The following NKD1 variants were observed in gnomAD, a reference collection of about 807,000 sequenced individuals.
The protein encoded by NKD1 is protein naked cuticle homolog 1.
A neutral mutation model predicts 56.0 loss-of-function variants in NKD1; 21 were observed. That is an observed-to-expected ratio of 0.38 (90% CI 0.27 to 0.54). The LOEUF (loss-of-function observed/expected upper bound fraction) is 0.54, where lower values mean the gene tolerates loss of function less well. Among genes scored for constraint, NKD1 ranks in the 20% least tolerant of loss-of-function variants. The probability of loss-of-function intolerance (pLI) is 0.82; values close to 1 mark genes in which losing one functional copy is unlikely to be tolerated. For synonymous variants in NKD1, 263 were observed against 265.7 expected (o/e 0.99, Z 0.10); for missense variants, 578 against 642.7 (o/e 0.90, Z 1.09).
intron 3 of NKD1, among the ~76,000 whole-genome samples, chr16:50,604,176 G>A (rs1488824784): frequency 6.6e-6 from 1 of 152,230 alleles, no homozygotes; most frequent in Non-Finnish European, 1.5e-5. Context: ...AGGTGCAGTG[G>A]TGAAGGGTAT....
chr16:50,574,061 C>A, intron 3 of NKD1: 1 of 839,916 alleles, frequency 1.2e-6, no homozygotes, highest in Non-Finnish European at 1.4e-6. Context: ...TAGTCTCACT[C>A]CCGTTTTACA....
chr16:50,630,789 C>T, intron 7 of NKD1, 37 bp from the exon 8 acceptor site: 1 of 1,539,522 alleles, frequency 6.5e-7, no homozygotes, highest in Non-Finnish European at 8.8e-7. Flanking sequence ...GCAGGCAGCT[C>T]ACCTGGTGTC....
chr16:50,631,704 G>A lies in NKD1; in HGVS notation c.696-577G>A, dbSNP rs530329151. ...TTGGAGGAGAGGGCTAGGGAGCCCC[G>A]AGCCCTGCAGGGGAAAAAGAAAGCC... On this transcript the variant is annotated intron_variant, in intron 8 of 9. Coordinates refer to ENST00000268459, the MANE Select transcript of NKD1 (RefSeq NM_033119.5). 9.1e-4 allele frequency among the ~76,000 whole-genome samples: 139 copies of A among 152,140 alleles called. 1 individual carries two copies. Among genetic ancestry groups the A allele is most frequent in the Non-Finnish European group, 1.1e-3 (78 of 68,016 alleles).
chr16:50,605,969 G>C (rs560537698), intron 3 of NKD1: 4 of 152,154 alleles, frequency 2.6e-5, no homozygotes, highest in African/African-American at 4.8e-5. Context: ...AACATCCCGC[G>C]TGGCTTCTGG....
At chr16:50,551,704 T>G (rs1960389027) in intron 3 of NKD1, 1 of 151,888 alleles carries the variant, frequency 6.6e-6, no homozygotes, top group South Asian at 2.1e-4. Context: ...GGGAACATTT[T>G]AAATCTTAAT....
chr16:50,577,027 G>A (rs1961008089), intron 3 of NKD1, among the ~76,000 whole-genome samples: 1 of 152,170 alleles, frequency 6.6e-6, no homozygotes, highest in South Asian at 2.1e-4. Context: ...TACCTGGCTG[G>A]CCCTATACAA....
At chr16:50,577,006 G>A (rs373245244) in intron 3 of NKD1, among the ~76,000 whole-genome samples, 45 of 152,316 alleles carry the variant, frequency 3.0e-4, no homozygotes, top group African/African-American at 8.9e-4. Flanking sequence ...ATTGTGTTGC[G>A]GAGGCCACCA....
At chr16:50,608,175 CAGTT>C in intron 3 of NKD1, 115 bp from the exon 4 acceptor site, 1 of 777,898 alleles carries the variant, frequency 1.3e-6, no homozygotes. Flanking sequence ...GGATCTGCCT[CAGTT>C]GACCTGAATT....
At chr16:50,561,256 A>G (rs1304321899) in intron 3 of NKD1, among the ~76,000 whole-genome samples, 2 of 151,968 alleles carry the variant, frequency 1.3e-5, no homozygotes, top group Non-Finnish European at 2.9e-5. Flanking sequence ...GGTTGGACAC[A>G]ATGCTGCGCT....
At position 50,562,990 on chromosome 16, in the gene NKD1, C is replaced by A. The variant is rs5006960; in HGVS notation, c.192+13435C>A. The stretch of plus-strand genomic sequence containing the variant: ...GGGCTGCTAGGTCCCACCACCACCC[C>A]CCCCCCCCGCCGTAGAATGGGTAGA... On this transcript the variant is annotated intron_variant, in intron 3 of 9. Coordinates refer to ENST00000268459, the MANE Select transcript of NKD1 (RefSeq NM_033119.5). Among the ~76,000 whole-genome samples, 107 of 109,978 alleles carry A rather than the reference C, an allele frequency of 9.7e-4. 13 individuals are homozygous for A. The highest frequency in any genetic ancestry group is 3.2e-3 in the African/African-American group (76 of 23,828). The allele number at this position is 109,978 out of a possible 152,430, so 72.1% of individuals were successfully genotyped here.
chr16:50,613,762 A>G (rs1292254200), intron 4 of NKD1: 1 of 151,798 alleles, frequency 6.6e-6, no homozygotes, highest in Non-Finnish European at 1.5e-5. Flanking sequence ...GGCGGGGGAG[A>G]GTGGAAGGGA....
At chr16:50,574,615 G>A (rs755312126) in intron 3 of NKD1, 1 of 985,432 alleles carries the variant, frequency 1.0e-6, no homozygotes, top group Non-Finnish European at 1.2e-6. Flanking sequence ...CTGGCCTCCA[G>A]CGGGCAGGAG....
chr16:50,646,418 T>C lies in NKD1; in HGVS notation c.*12637T>C, dbSNP rs1038990404. 1.1e-4 allele frequency: 17 copies of C among 152,074 alleles called. No individual in the cohort carries two copies. Among genetic ancestry groups the C allele is most frequent in the African/African-American group, 3.9e-4 (16 of 41,446 alleles). 9.4% of individuals were successfully genotyped at this position (152,074 alleles called of 1,614,324 possible). A position where few individuals can be genotyped will look rare whatever the true frequency, so the allele number is the denominator to read the frequency against. ...GGCTAACTGATGCCACAGTCTTTTA[T>C]GTACATGGCAAAAACGGGACAGAAA... On this transcript the variant is annotated 3_prime_UTR_variant, in exon 10 of 10. Transcript: ENST00000268459.
intron 3 of NKD1, chr16:50,571,453 C>T (rs62030052): frequency 0.01 from 10,118 of 984,960 alleles, 58 homozygotes; most frequent in Non-Finnish European, 0.011. Context: ...CCTGGGTGCC[C>T]TCCACTCACT....
At chr16:50,626,641 A>G (rs1035658288) in intron 6 of NKD1, among the ~76,000 whole-genome samples, 1 of 152,186 alleles carries the variant, frequency 6.6e-6, no homozygotes, top group African/African-American at 2.4e-5. Context: ...GGGGCCTTGG[A>G]GGCCCTGGCA....
intron 3 of NKD1, among the ~76,000 whole-genome samples, chr16:50,583,355 C>T (rs1567340648): frequency 2.0e-5 from 3 of 152,164 alleles, no homozygotes; most frequent in East Asian, 1.9e-4. Flanking sequence ...CCGAACAGGA[C>T]AAGAGAGAGG....
chr16:50,629,278 G>A (rs1365340916), intron 6 of NKD1, among the ~76,000 whole-genome samples: 1 of 152,000 alleles, frequency 6.6e-6, no homozygotes, highest in East Asian at 1.9e-4. Flanking sequence ...TTCTTCTAAG[G>A]GCCCTGATCC....
chr16:50,587,597 G>A (rs1347521575), intron 3 of NKD1, among the ~76,000 whole-genome samples: 1 of 152,216 alleles, frequency 6.6e-6, no homozygotes, highest in Non-Finnish European at 1.5e-5. Flanking sequence ...GGTCACTAAG[G>A]AGAGATGCTT....
At chr16:50,622,593 T>C (rs1025580804) in intron 5 of NKD1, among the ~76,000 whole-genome samples, 2 of 152,208 alleles carry the variant, frequency 1.3e-5, no homozygotes, top group African/African-American at 4.8e-5. Context: ...TCTGAGACTT[T>C]GGGGCAAGTT....
Sources: allele counts gnomAD v4.1 joint callset (sites outside exome capture counted in the v4.1 genomes callset), GRCh38; gene constraint gnomAD v4.1.1; transcripts MANE v1.5; gene names NCBI Gene and HGNC (gene_info 2026-07-23, HGNC 2026-07-21).